KLHL29: variants seen among roughly 807,000 people sequenced by gnomAD.
KLHL29 encodes the protein kelch like family member 29.
Under a neutral mutation model 80.4 loss-of-function variants are expected in KLHL29, and 21 were observed. That is an observed-to-expected ratio of 0.26 (90% CI 0.19 to 0.38). The LOEUF is 0.38. Ranked by LOEUF, KLHL29 falls within the 10% of genes least tolerant of loss-of-function variation. KLHL29 has a pLI of 1.00. For missense variants in KLHL29, 867 were observed against 1,223.9 expected (o/e 0.71, Z 4.35); for synonymous variants, 511 against 526.8 (o/e 0.97, Z 0.41).
At chr2:23,533,439 T>A (rs1474942380) in intron 2 of KLHL29, among the ~76,000 whole-genome samples, 1 of 152,114 alleles carries the variant, frequency 6.6e-6, no homozygotes, top group Non-Finnish European at 1.5e-5. Context: ...CCCAGCAGGA[T>A]TCATGGCATT....
At chr2:23,476,000 T>TC (rs1432445281) in intron 2 of KLHL29, among the ~76,000 whole-genome samples, 1 of 152,152 alleles carries the variant, frequency 6.6e-6, no homozygotes, top group Admixed American at 6.5e-5. Context: ...CACCTCAGCC[T>TC]CCCAAGTAGC....
At chr2:23,611,978 G>A (rs80126962) in intron 3 of KLHL29, among the ~76,000 whole-genome samples, 106 of 152,060 alleles carry the variant, frequency 7.0e-4, no homozygotes, top group Middle Eastern at 3.4e-3. Context: ...AAAAAAAGGC[G>A]GGGAGGTGGG....
At chr2:23,634,700 C>A (rs1218583421) in intron 3 of KLHL29, among the ~76,000 whole-genome samples, 2 of 152,182 alleles carry the variant, frequency 1.3e-5, no homozygotes, top group Non-Finnish European at 2.9e-5. Flanking sequence ...GGGCTCCAGG[C>A]AGCCTCCAGC....
chr2:23,494,965 C>A lies in KLHL29; in HGVS notation c.-46+19298C>A, dbSNP rs909454973. 3.9e-5 allele frequency among the ~76,000 whole-genome samples: 6 copies of A among 152,238 alleles called. No individual in the cohort carries two copies. In the South Asian group the frequency reaches 1.2e-3, roughly 32 times the overall value. On this transcript the variant is annotated intron_variant, in intron 2 of 13. Coordinates refer to ENST00000486442, the MANE Select transcript of KLHL29 (RefSeq NM_052920.2). Reference sequence around the variant, plus strand: ...TAAGCCAATCTCTCCTTCCCACTCACCCAGCCCCAAGCACCTGGGCCTTCA... The same window carrying A: ...TAAGCCAATCTCTCCTTCCCACTCAACCAGCCCCAAGCACCTGGGCCTTCA...
At chr2:23,576,221 C>A (rs933931393) in intron 3 of KLHL29, among the ~76,000 whole-genome samples, 9 of 151,044 alleles carry the variant, frequency 6.0e-5, no homozygotes, top group African/African-American at 2.2e-4. Flanking sequence ...AGGAGAATCG[C>A]TTGAACCCAG....
chr2:23,641,019 C>A lies in KLHL29; in HGVS notation c.428-1319C>A, dbSNP rs555445399. On this transcript the variant is annotated intron_variant, in intron 4 of 13. Coordinates refer to ENST00000486442, the MANE Select transcript of KLHL29 (RefSeq NM_052920.2). The stretch of plus-strand genomic sequence containing the variant: ...GTGCTGAGTGGCCCCCTGCCCCCTA[C>A]TCCCCTTCCTCTGTCTCCCCATCCT... 1.4e-4 allele frequency among the ~76,000 whole-genome samples: 21 copies of A among 152,284 alleles called. No homozygotes were observed. The South Asian group carries it at 4.1e-3, about 30-fold the overall frequency.
intron 2 of KLHL29, among the ~76,000 whole-genome samples, chr2:23,496,958 C>A (rs1665283958): frequency 6.6e-6 from 1 of 152,054 alleles, no homozygotes; most frequent in Admixed American, 6.5e-5. Flanking sequence ...TATCATATTC[C>A]TGTCAAAAGC....
At chr2:23,516,379 T>C (rs2103465876) in intron 2 of KLHL29, among the ~76,000 whole-genome samples, 1 of 151,976 alleles carries the variant, frequency 6.6e-6, no homozygotes, top group East Asian at 1.9e-4. Flanking sequence ...TTTAACAAAC[T>C]TCCCCTTAAT....
At chr2:23,673,539 C>T (rs1233341693) in intron 5 of KLHL29, among the ~76,000 whole-genome samples, 1 of 151,876 alleles carries the variant, frequency 6.6e-6, no homozygotes, top group African/African-American at 2.4e-5. Flanking sequence ...TACATGAGGG[C>T]ACATACACAC....
At position 23,647,585 on chromosome 2, in the gene KLHL29, T is replaced by C. The variant is rs1026920086; in HGVS notation, c.940+4735T>C. 1.3e-5 allele frequency among the ~76,000 whole-genome samples: 2 copies of C among 152,168 alleles called. No individual in the cohort carries two copies. Among genetic ancestry groups the C allele is most frequent in the African/African-American group, 4.8e-5 (2 of 41,444 alleles). ...CATCAGGCCACCGTCACCTCTGGCC[T>C]GCACACTGGCCTCCCAGCCCACAGT... On this transcript the variant is annotated intron_variant, in intron 5 of 13. Transcript: ENST00000486442. This position sits in a 1 kb window ranked among gnomAD's most constrained non-coding sequence, Gnocchi z 4.9.
intron 1 of KLHL29, among the ~76,000 whole-genome samples, chr2:23,446,895 G>A (rs1455537725): frequency 1.3e-5 from 2 of 152,136 alleles, no homozygotes; most frequent in African/African-American, 4.8e-5. Context: ...ATATGGAAAC[G>A]GTGCAGAGTC....
At chr2:23,704,628 G>A (rs1319110490) in intron 13 of KLHL29, among the ~76,000 whole-genome samples, 7 of 152,308 alleles carry the variant, frequency 4.6e-5, no homozygotes, top group African/African-American at 1.4e-4. Context: ...TTTGCCAGGC[G>A]TGGTGGCATG....
intron 5 of KLHL29, among the ~76,000 whole-genome samples, chr2:23,657,083 G>C (rs1670267686): frequency 6.6e-6 from 1 of 152,162 alleles, no homozygotes; most frequent in Non-Finnish European, 1.5e-5. Context: ...GGGGAGTAGA[G>C]GCCAGAAGTG....
chr2:23,643,025 AGGGAGG>A (rs1291014450), intron 5 of KLHL29, 175 bp downstream of exon 5: 4 of 724,198 alleles, frequency 5.5e-6, no homozygotes, highest in Non-Finnish European at 9.7e-6. Context: ...GAGATGGGGG[AGGGAGG>A]GGGAAGGTGT....
In KLHL29 at chr2:23,629,475, G is replaced by A. The variant is rs77425219; in HGVS notation, c.286-9664G>A. ...TTGGAAATGGGACTAAGAAGTTTTC[G>A]GTTGAAAGTTGTTAGAGGAAAGTTG... On this transcript the variant is annotated intron_variant, in intron 3 of 13. Transcript: ENST00000486442. Among the ~76,000 whole-genome samples, 533 of 152,112 alleles carry A rather than the reference G, an allele frequency of 3.5e-3. 2 individuals carry two copies. The highest frequency in any genetic ancestry group is 0.012 in the African/African-American group (504 of 41,488).
At chr2:23,510,232 T>G (rs1011843421) in intron 2 of KLHL29, among the ~76,000 whole-genome samples, 5 of 152,072 alleles carry the variant, frequency 3.3e-5, no homozygotes, top group Non-Finnish European at 7.4e-5. Flanking sequence ...GGGGATGGAT[T>G]GGGGAGTGAC....
At chr2:23,406,411 T>C (rs1666734576) in intron 1 of KLHL29, among the ~76,000 whole-genome samples, 1 of 152,228 alleles carries the variant, frequency 6.6e-6, no homozygotes, top group Non-Finnish European at 1.5e-5. Context: ...TCCAGTCTTT[T>C]GCTTTGCATT....
At chr2:23,685,965 T>C (rs1227874904) in intron 6 of KLHL29, among the ~76,000 whole-genome samples, 1 of 152,116 alleles carries the variant, frequency 6.6e-6, no homozygotes, top group Non-Finnish European at 1.5e-5. Flanking sequence ...AGCTAGAACG[T>C]GGTGGGTGAG....
chr2:23,623,023 G>A (rs1411633874), intron 3 of KLHL29, among the ~76,000 whole-genome samples: 1 of 152,160 alleles, frequency 6.6e-6, no homozygotes, highest in Non-Finnish European at 1.5e-5. Flanking sequence ...GCCCTCAGGA[G>A]CTCACAGTCC....
Sources: allele counts gnomAD v4.1 joint callset (sites outside exome capture counted in the v4.1 genomes callset), GRCh38; gene constraint gnomAD v4.1.1; non-coding constraint Gnocchi (gnomAD v3.1); transcripts MANE v1.5; gene names NCBI Gene and HGNC (gene_info 2026-07-23, HGNC 2026-07-21).